SAMMSON: variants seen among roughly 807,000 people sequenced by gnomAD.
SAMMSON encodes long intergenic non-protein coding RNA 1212.
At chr3:70,080,946 G>A (rs2067265766) in intron 4 of SAMMSON, among the ~76,000 whole-genome samples, 1 of 152,128 alleles carries the variant, frequency 6.6e-6, no homozygotes. Flanking sequence ...TGCAGCCCAG[G>A]GAGGTGGGTA....
intron 9 of SAMMSON, among the ~76,000 whole-genome samples, chr3:70,365,321 A>G (rs529084017): frequency 1.3e-5 from 2 of 151,296 alleles, no homozygotes; most frequent in African/African-American, 4.8e-5. Flanking sequence ...ATACACACAC[A>G]TATATATGTG....
chr3:70,167,857 G>A (rs1337465372), intron 4 of SAMMSON, among the ~76,000 whole-genome samples: 1 of 151,930 alleles, frequency 6.6e-6, no homozygotes, highest in Non-Finnish European at 1.5e-5. Context: ...AGGTGGTGCC[G>A]ATGCTGTCCT....
intron 2 of SAMMSON, among the ~76,000 whole-genome samples, chr3:70,417,259 AG>A (rs1225905152): frequency 6.6e-6 from 1 of 152,208 alleles, no homozygotes; most frequent in African/African-American, 2.4e-5. Flanking sequence ...GTCATCAGTC[AG>A]GTAAAATTGA....
intron 1 of SAMMSON, among the ~76,000 whole-genome samples, chr3:70,011,129 A>G (rs1480324849): frequency 6.6e-6 from 1 of 152,072 alleles, no homozygotes; most frequent in Non-Finnish European, 1.5e-5. Flanking sequence ...TTTATTTTTA[A>G]TTACTGTAGA....
intron 4 of SAMMSON, among the ~76,000 whole-genome samples, chr3:70,247,827 TA>T (rs1020692182): frequency 1.8e-4 from 28 of 151,526 alleles, no homozygotes; most frequent in East Asian, 1.9e-4. Context: ...TTATGGTCAT[TA>T]AAAAAAATAG....
intron 6 of SAMMSON, chr3:70,283,501 G>C (rs1702109785): frequency 6.6e-6 from 1 of 152,064 alleles, no homozygotes; most frequent in African/African-American, 2.4e-5. Context: ...ATTACTTTGA[G>C]GTCAGTCTCA....
At chr3:70,132,750 T>C (rs1344675642) in intron 4 of SAMMSON, among the ~76,000 whole-genome samples, 81 of 142,684 alleles carry the variant, frequency 5.7e-4, no homozygotes, top group Non-Finnish European at 6.0e-5. Context: ...GAGATCAGCC[T>C]GGGCAACACG....
intron 2 of SAMMSON, among the ~76,000 whole-genome samples, chr3:70,400,791 G>A (rs1487568702): frequency 6.6e-6 from 1 of 152,030 alleles, no homozygotes; most frequent in East Asian, 1.9e-4. Flanking sequence ...AATTAGCCAG[G>A]TGTGGTGGTG....
chr3:70,236,679 T>G (rs1367744300), intron 4 of SAMMSON, among the ~76,000 whole-genome samples: 1 of 152,114 alleles, frequency 6.6e-6, no homozygotes, highest in Non-Finnish European at 1.5e-5. Flanking sequence ...CGCTGCAGTC[T>G]CAACCTCCCA....
At chr3:70,087,968 T>C (rs1255673585) in intron 4 of SAMMSON, among the ~76,000 whole-genome samples, 1 of 152,222 alleles carries the variant, frequency 6.6e-6, no homozygotes, top group East Asian at 1.9e-4. Context: ...TGATGCTTTA[T>C]TGGCTGGCAT....
Position 70,079,302 on chromosome 3 carries a change from T to G in SAMMSON, n.507+7737T>G, listed in dbSNP as rs559301001. On this transcript the variant is annotated intron_variant and non_coding_transcript_variant, in intron 4 of 9. Transcript: ENST00000642114. ...ACTCTAGGTCCATTGATCATCTTGA[T>G]AGCCTGAAATCAGCCATGGTGGGAG... is the stretch of plus-strand genomic sequence containing the variant. 5.3e-5 allele frequency among the ~76,000 whole-genome samples: 8 copies of G among 152,328 alleles called. No individual in the cohort carries two copies. In the East Asian group the frequency reaches 1.5e-3, roughly 29 times the overall value.
At chr3:70,153,879 C>T (rs2067581562) in intron 4 of SAMMSON, among the ~76,000 whole-genome samples, 1 of 151,960 alleles carries the variant, frequency 6.6e-6, no homozygotes, top group African/African-American at 2.4e-5. Context: ...CCCCAAAACT[C>T]CCCGTTCCAG....
chr3:70,275,166 A>G (rs1196541179), intron 6 of SAMMSON, among the ~76,000 whole-genome samples: 2 of 152,196 alleles, frequency 1.3e-5, no homozygotes, highest in African/African-American at 4.8e-5. Context: ...CTTATAAAAA[A>G]GTTAATAAAC....
chr3:70,155,310 C>A (rs2067587766), intron 4 of SAMMSON, among the ~76,000 whole-genome samples: 1 of 151,818 alleles, frequency 6.6e-6, no homozygotes, highest in South Asian at 2.1e-4. Flanking sequence ...TCCAGGGTAG[C>A]CTAAGGCCTG....
At chr3:70,085,737 T>C (rs1314199376) in intron 4 of SAMMSON, among the ~76,000 whole-genome samples, 2 of 152,214 alleles carry the variant, frequency 1.3e-5, no homozygotes, top group Non-Finnish European at 2.9e-5. Flanking sequence ...CAAATAATTA[T>C]ATAGTGTCAG....
At chr3:70,423,357 T>A (rs149187399) in intron 2 of SAMMSON, among the ~76,000 whole-genome samples, 3,268 of 152,262 alleles carry the variant, frequency 0.021, 54 homozygotes, top group South Asian at 0.056. Context: ...TGCCTTTTCT[T>A]GGAGGAATAG....
At chr3:70,154,218 A>C (rs2067582941) in intron 4 of SAMMSON, among the ~76,000 whole-genome samples, 1 of 152,070 alleles carries the variant, frequency 6.6e-6, no homozygotes, top group Non-Finnish European at 1.5e-5. Context: ...TTATAATAAT[A>C]GCAATACTAT....
intron 2 of SAMMSON, among the ~76,000 whole-genome samples, chr3:70,410,943 AC>A (rs1213359174): frequency 1.3e-5 from 2 of 152,018 alleles, no homozygotes; most frequent in Non-Finnish European, 2.9e-5. Context: ...TGCTGTTACC[AC>A]CTATTGGGCT....
chr3:70,115,441 A>C (rs1222059310), intron 4 of SAMMSON, among the ~76,000 whole-genome samples: 2 of 152,138 alleles, frequency 1.3e-5, no homozygotes, highest in Admixed American at 1.3e-4. Context: ...ATTTTCACGG[A>C]AAAGATCATT....
Sources: allele counts gnomAD v4.1 joint callset (sites outside exome capture counted in the v4.1 genomes callset), GRCh38; gene constraint gnomAD v4.1.1; transcripts MANE v1.5; gene names NCBI Gene and HGNC (gene_info 2026-07-23, HGNC 2026-07-21).